The following RBFOX1 variants were observed in gnomAD, a reference collection of about 807,000 sequenced individuals.
RBFOX1 encodes the protein RNA binding protein fox-1 homolog 1.
Under a neutral mutation model 57.7 loss-of-function variants are expected in RBFOX1, and 8 were observed. The observed-to-expected ratio is 0.14, with a 90% CI of 0.08 to 0.25. The LOEUF (loss-of-function observed/expected upper bound fraction) is 0.25. Ranked by LOEUF, RBFOX1 falls within the 10% of genes least tolerant of loss-of-function variation. The pLI is 1.00. For synonymous variants in RBFOX1, 326 were observed against 222.4 expected (o/e 1.47, Z -4.15); for missense variants, 611 against 548.5 (o/e 1.11, Z -1.14).
intron 14 of RBFOX1, among the ~76,000 whole-genome samples, chr16:7,705,860 C>T (rs2082266007): frequency 1.3e-5 from 2 of 152,168 alleles, no homozygotes; most frequent in African/African-American, 2.4e-5. Context: ...TTGAAGATTT[C>T]TTCCGAAATT....
intron 2 of RBFOX1, among the ~76,000 whole-genome samples, chr16:6,367,958 T>C (rs1173090396): frequency 1.3e-5 from 2 of 152,200 alleles, no homozygotes; most frequent in Non-Finnish European, 2.9e-5. Context: ...CAATCCAATG[T>C]CAGTATGGCA....
At chr16:5,714,437 C>G (rs1265413241) in intron 3 of RBFOX1, among the ~76,000 whole-genome samples, 2 of 152,182 alleles carry the variant, frequency 1.3e-5, no homozygotes, top group African/African-American at 4.8e-5. Context: ...ACGTGCCCAG[C>G]TGAAGCTCGA....
chr16:7,327,990 T>G (rs551165899), intron 4 of RBFOX1, among the ~76,000 whole-genome samples: 93 of 152,214 alleles, frequency 6.1e-4, no homozygotes, highest in African/African-American at 2.1e-3. Context: ...CAGCCAACAC[T>G]TCTGTTTCTT....
At chr16:6,808,027 C>G (rs1049498572) in intron 3 of RBFOX1, among the ~76,000 whole-genome samples, 2 of 148,980 alleles carry the variant, frequency 1.3e-5, no homozygotes, top group Non-Finnish European at 3.0e-5. Context: ...CAAATTATAC[C>G]TTGTGTATAT....
At chr16:6,946,257 T>C (rs1164278827) in intron 3 of RBFOX1, among the ~76,000 whole-genome samples, 2 of 152,252 alleles carry the variant, frequency 1.3e-5, no homozygotes, top group East Asian at 1.9e-4. Flanking sequence ...TACATCCTTG[T>C]AGTACAACAA....
At chr16:5,991,027 TA>T (rs1197183820) in intron 4 of RBFOX1, among the ~76,000 whole-genome samples, 1 of 151,862 alleles carries the variant, frequency 6.6e-6, no homozygotes, top group African/African-American at 2.4e-5. Flanking sequence ...TCTCATGAAA[TA>T]AAAAAAATGT....
rs72772273 is a variant in RBFOX1, at chr16:6,930,773, C to T, written c.-15-121284C>T. ...TATGTTTATTGGCCACTTGATCCTCCCTCAGAGAGCTATACAGTTTTCTCA... is the reference window on the plus strand; with the variant it reads ...TATGTTTATTGGCCACTTGATCCTCTCTCAGAGAGCTATACAGTTTTCTCA... On this transcript the variant is annotated intron_variant, in intron 3 of 15. Coordinates refer to ENST00000550418, the MANE Select transcript of RBFOX1 (RefSeq NM_018723.4). 1.0e-3 allele frequency among the ~76,000 whole-genome samples: 155 copies of T among 152,208 alleles called. 1 individual carries two copies. The highest frequency in any genetic ancestry group is 2.3e-3 in the Admixed American group (35 of 15,278).
intron 1 of RBFOX1, among the ~76,000 whole-genome samples, chr16:5,437,521 C>G (rs2067953289): frequency 6.6e-6 from 1 of 152,116 alleles, no homozygotes; most frequent in Admixed American, 6.5e-5. Context: ...ACCTGCATAT[C>G]CAACCATAGA....
chr16:5,519,385 A>G (rs929387134), intron 2 of RBFOX1, among the ~76,000 whole-genome samples: 2 of 152,030 alleles, frequency 1.3e-5, no homozygotes, highest in African/African-American at 4.8e-5. Context: ...TCATTATGGG[A>G]TAAATGTGGT....
At chr16:5,577,492 T>TC (rs2046503655) in intron 2 of RBFOX1, among the ~76,000 whole-genome samples, 1 of 152,220 alleles carries the variant, frequency 6.6e-6, no homozygotes, top group East Asian at 1.9e-4. Context: ...AGCTTTTTCC[T>TC]CCCCCTACTC....
At chr16:6,167,746 G>C (rs971981782) in intron 1 of RBFOX1, among the ~76,000 whole-genome samples, 2 of 152,104 alleles carry the variant, frequency 1.3e-5, no homozygotes, top group Admixed American at 6.6e-5. Flanking sequence ...ATCATTCTTG[G>C]ATGTGGTCCT....
At chr16:6,917,447 T>G (rs1476343026) in intron 3 of RBFOX1, among the ~76,000 whole-genome samples, 2 of 152,238 alleles carry the variant, frequency 1.3e-5, no homozygotes, top group African/African-American at 4.8e-5. Flanking sequence ...TGTGTTTCAT[T>G]TGGGGAATAC....
intron 2 of RBFOX1, among the ~76,000 whole-genome samples, chr16:5,519,696 G>C (rs980110399): frequency 6.6e-6 from 1 of 152,212 alleles, no homozygotes; most frequent in Non-Finnish European, 1.5e-5. Context: ...CTGCACTCCA[G>C]CCTGAATGAT....
intron 5 of RBFOX1, 84 bp from the exon 6 acceptor site, chr16:7,579,693 T>C (rs1021583414): frequency 6.5e-7 from 1 of 1,543,060 alleles, no homozygotes; most frequent in Non-Finnish European, 8.9e-7. Flanking sequence ...GATCTTTTCC[T>C]GCCACTCATG....
intron 4 of RBFOX1, among the ~76,000 whole-genome samples, chr16:5,990,884 G>T (rs192712644): frequency 1.1e-4 from 17 of 152,288 alleles, no homozygotes; most frequent in Admixed American, 5.2e-4. Flanking sequence ...TGAGGCAGGA[G>T]ACTCGCTTGA....
At chr16:5,460,716 CT>C (rs1232571760) in intron 1 of RBFOX1, among the ~76,000 whole-genome samples, 2 of 152,242 alleles carry the variant, frequency 1.3e-5, no homozygotes, top group Non-Finnish European at 2.9e-5. Flanking sequence ...GTTTCCTCCT[CT>C]TTTCATGCCT....
intron 11 of RBFOX1, among the ~76,000 whole-genome samples, chr16:7,634,265 G>GTAAAT (rs1568202631): frequency 6.6e-6 from 1 of 152,116 alleles, no homozygotes; most frequent in African/African-American, 2.4e-5. Flanking sequence ...GAAGGTGTGT[G>GTAAAT]TAAATTACAC....
chr16:6,534,195 A>C (rs2096703993), intron 2 of RBFOX1, among the ~76,000 whole-genome samples: 1 of 152,164 alleles, frequency 6.6e-6, no homozygotes, highest in African/African-American at 2.4e-5. Context: ...TTGTATAGTC[A>C]CTCAATGAAA....
intron 3 of RBFOX1, among the ~76,000 whole-genome samples, chr16:5,840,266 C>T (rs1298625143): frequency 2.6e-5 from 4 of 152,164 alleles, no homozygotes; most frequent in Admixed American, 6.5e-5. Context: ...GTCCTGACAG[C>T]GCTGTCCTTG....
Sources: allele counts gnomAD v4.1 joint callset (sites outside exome capture counted in the v4.1 genomes callset), GRCh38; gene constraint gnomAD v4.1.1; transcripts MANE v1.5; gene names NCBI Gene and HGNC (gene_info 2026-07-23, HGNC 2026-07-21).